The following PTPRB variants were observed in gnomAD, a reference collection of about 807,000 sequenced individuals.
The protein encoded by PTPRB is protein tyrosine phosphatase receptor type B.
In PTPRB, 97 loss-of-function variants were observed where a neutral mutation model predicts 238.1. That is an observed-to-expected ratio of 0.41 (90% CI 0.35 to 0.48). The LOEUF (loss-of-function observed/expected upper bound fraction) is 0.48. PTPRB is among the 20% of genes least tolerant of loss of function. The probability of loss-of-function intolerance (pLI) is 0.30; values close to 1 mark genes in which losing one functional copy is unlikely to be tolerated. For missense variants in PTPRB, 2,292 were observed against 2,681.9 expected (o/e 0.85, Z 3.21); for synonymous variants, 970 against 995.4 (o/e 0.97, Z 0.48).
At chr12:70,609,449 C>T (rs1335039810) in intron 3 of PTPRB, 110 bp from the exon 4 acceptor site, 15 of 1,393,800 alleles carry the variant, frequency 1.1e-5, no homozygotes, top group Non-Finnish European at 1.5e-5. Context: ...TCCTTTGTCC[C>T]TTGCCTCAGC....
At chr12:70,537,797 T>A (rs561875961) in intron 28 of PTPRB, among the ~76,000 whole-genome samples, 70 of 152,290 alleles carry the variant, frequency 4.6e-4, no homozygotes, top group African/African-American at 1.5e-3. Context: ...GAGTTGTGTC[T>A]GTGGTTGTGA....
intron 2 of PTPRB, among the ~76,000 whole-genome samples, chr12:70,627,608 G>A (rs1269088243): frequency 6.6e-6 from 1 of 152,020 alleles, no homozygotes; most frequent in Non-Finnish European, 1.5e-5. Context: ...CCCTGTGTGT[G>A]CCCTGATAAG....
intron 12 of PTPRB, chr12:70,571,543 G>T: frequency 1.7e-6 from 1 of 579,946 alleles, no homozygotes; most frequent in Non-Finnish European, 3.0e-6. Context: ...TCAATCATAA[G>T]ATAAAACAAG....
At chr12:70,619,157 AGTGTGTGTGTGTGT>A (rs3049143) in intron 3 of PTPRB, among the ~76,000 whole-genome samples, 3 of 142,118 alleles carry the variant, frequency 2.1e-5, no homozygotes, top group Non-Finnish European at 3.1e-5. Context: ...TGTTTAGGGG[AGTGTGTGTGTGTGT>A]GTGTGTGTGT....
chr12:70,597,363 A>C (rs1883123368), intron 4 of PTPRB, among the ~76,000 whole-genome samples: 1 of 152,216 alleles, frequency 6.6e-6, no homozygotes, highest in South Asian at 2.1e-4. Flanking sequence ...CAGTTTGAGA[A>C]GTCCTGCTTT....
Position 70,536,150 on chromosome 12 carries a change from AGTT to A in PTPRB, c.5953_5955del (p.Asn1985del). 6.2e-7 allele frequency: 1 copy of A among 1,613,228 alleles called. No individual in the cohort carries two copies. ...TGAGTGACAATGTATTCTCTTCTGA[AGTT>A]GTTGCCCTGCAATGAATTTACAATA... On this transcript the variant is annotated inframe_deletion, in exon 29 of 34. Coordinates refer to ENST00000334414, the MANE Select transcript of PTPRB (RefSeq NM_001109754.4).
chr12:70,553,141 C>G, intron 20 of PTPRB, 121 bp from the exon 21 acceptor site: 2 of 1,191,646 alleles, frequency 1.7e-6, no homozygotes, highest in Non-Finnish European at 2.4e-6. Context: ...TTCCAAAGTA[C>G]AGATTCTGCA....
intron 19 of PTPRB, 34 bp from the exon 20 acceptor site, chr12:70,555,343 G>T (rs201095254): frequency 6.3e-7 from 1 of 1,584,558 alleles, no homozygotes; most frequent in South Asian, 1.1e-5. Flanking sequence ...ACCAAGAGGG[G>T]TCACAACTCT....
At chr12:70,626,729 C>G (rs1885221956) in intron 2 of PTPRB, among the ~76,000 whole-genome samples, 1 of 151,934 alleles carries the variant, frequency 6.6e-6, no homozygotes, top group Admixed American at 6.6e-5. Flanking sequence ...GCAGGAGGTG[C>G]TGGAACCCAT....
chr12:70,566,801 A>G, intron 14 of PTPRB, 97 bp from the exon 15 acceptor site: 1 of 1,294,138 alleles, frequency 7.7e-7, no homozygotes, highest in African/African-American at 1.5e-5. Flanking sequence ...CAGGTAGAAG[A>G]TGATGCATTT....
Position 70,516,532 on chromosome 12 carries a change from C to G in PTPRB, c.*4957G>C, listed in dbSNP as rs1171995962. On this transcript the variant is annotated 3_prime_UTR_variant, in exon 34 of 34. Coordinates refer to ENST00000334414, the MANE Select transcript of PTPRB (RefSeq NM_001109754.4). ...CCTGCAGATGGAATGCTGTCCAACT[C>G]TGCCACAAACTCTTAAAGCCACAAT... 2.0e-5 allele frequency: 3 copies of G among 152,222 alleles called. No homozygotes were observed. Among genetic ancestry groups the G allele is most frequent in the Non-Finnish European group, 4.4e-5 (3 of 68,044 alleles). 9.4% of individuals were successfully genotyped at this position (152,222 alleles called of 1,614,324 possible).
chr12:70,540,948 A>G lies in PTPRB; in HGVS notation c.5504T>C (p.Phe1835Ser). ...LPITTESEPL[F>S]GAIEGVSAGL... Reference sequence around the variant, plus strand: ...AGCACTCACACCTTCAATAGCTCCAAACAAGGGCTCTACAATAATCCAGAT... The same window carrying G: ...AGCACTCACACCTTCAATAGCTCCAGACAAGGGCTCTACAATAATCCAGAT... Residue 1835 changes from phenylalanine (F) to serine (S), a missense_variant, in exon 23 of 34, where the codon TTT becomes TCT. This residue lies in a region of PTPRB where 397 missense variants were observed against 502.0 expected (regional missense o/e 0.79). Transcript: ENST00000334414. The G allele has an allele frequency of 1.2e-6, 2 of 1,602,460 alleles. No homozygotes were observed. Among genetic ancestry groups the G allele is most frequent in the Non-Finnish European group, 1.7e-6 (2 of 1,174,258 alleles).
chr12:70,589,995 C>A lies in PTPRB; in HGVS notation c.2019G>T (p.Leu673Phe), dbSNP rs1479720867. The A allele has an allele frequency of 5.0e-6, 8 of 1,613,780 alleles. No homozygotes were observed. The highest frequency in any genetic ancestry group is 6.8e-6 in the Non-Finnish European group (8 of 1,179,858). ...TGCCTTGGCAACGCTCAGAATTCTT[C>A]AAATTTCCACTCTCAACAATGACTT... ...EVEVIVESGNLKNSERCQGRT... is the reference protein window; with the variant it reads ...EVEVIVESGNFKNSERCQGRT... Residue 673 changes from leucine (L) to phenylalanine (F), a missense_variant, in exon 8 of 34, where the codon TTG (leucine) becomes TTT (phenylalanine). Leu to Phe is a conservative substitution (Grantham distance 22). Transcript: ENST00000334414.
intron 31 of PTPRB, among the ~76,000 whole-genome samples, 166 bp downstream of exon 31, chr12:70,534,322 T>C (rs1165100204): frequency 6.6e-6 from 1 of 152,112 alleles, no homozygotes; most frequent in Non-Finnish European, 1.5e-5. Context: ...GAAATGATGT[T>C]GGCAGAAGGG....
At chr12:70,615,551 C>G (rs1317048211) in intron 3 of PTPRB, among the ~76,000 whole-genome samples, 1 of 152,138 alleles carries the variant, frequency 6.6e-6, no homozygotes, top group Non-Finnish European at 1.5e-5. Context: ...TTTGTTATAG[C>G]TCTGTAACTA....
chr12:70,537,042 T>C (rs558725768), intron 28 of PTPRB, among the ~76,000 whole-genome samples: 1 of 152,112 alleles, frequency 6.6e-6, no homozygotes, highest in Non-Finnish European at 1.5e-5. Flanking sequence ...CCCAGCACTT[T>C]GGGAGGCCAA....
intron 32 of PTPRB, among the ~76,000 whole-genome samples, chr12:70,530,396 A>T (rs900362681): frequency 6.6e-6 from 1 of 152,186 alleles, no homozygotes; most frequent in Admixed American, 6.5e-5. Context: ...AATATATGTA[A>T]TATCACATAT....
intron 32 of PTPRB, among the ~76,000 whole-genome samples, chr12:70,525,002 T>A (rs964003921): frequency 9.2e-5 from 14 of 151,558 alleles, no homozygotes; most frequent in Non-Finnish European, 1.6e-4. Flanking sequence ...TATATATATA[T>A]AAAATATTCT....
chr12:70,601,958 G>GT (rs796442963), intron 4 of PTPRB, among the ~76,000 whole-genome samples: 33 of 91,534 alleles, frequency 3.6e-4, no homozygotes, highest in Admixed American at 4.9e-4. Flanking sequence ...GCCCGGCTAA[G>GT]TTTTTTTTTT....
Sources: allele counts gnomAD v4.1 joint callset (sites outside exome capture counted in the v4.1 genomes callset), GRCh38; gene constraint gnomAD v4.1.1; regional missense constraint gnomAD v4.1.1; transcripts MANE v1.5; gene names NCBI Gene and HGNC (gene_info 2026-07-23, HGNC 2026-07-21).